The following FANCB variants were observed in gnomAD, a reference collection of about 807,000 sequenced individuals.
FANCB encodes FA complementation group B.
FANCB carries 5 observed loss-of-function variants against 38.9 expected under a neutral mutation model. The ratio of observed to expected loss-of-function variants is 0.13; its 90% CI spans 0.07 to 0.27. The LOEUF (loss-of-function observed/expected upper bound fraction) is 0.27. FANCB is among the 10% of genes least tolerant of loss of function. The pLI is 1.00. For synonymous variants in FANCB, 236 were observed against 215.4 expected, an observed-to-expected ratio of 1.10 and a Z score of -0.84; for missense variants, 573 against 602.7, an observed-to-expected ratio of 0.95 and a Z score of 0.52.
the FANCB span, among the ~76,000 whole-genome samples, chrX:14,827,860 A>T: frequency 9.0e-6 from 1 of 111,698 alleles, no homozygotes; most frequent in African/African-American, 3.3e-5. Flanking sequence ...ACATATAGCT[A>T]GGCCTTACTC....
the FANCB span, among the ~76,000 whole-genome samples, chrX:14,728,817 G>T: frequency 3.6e-5 from 4 of 112,423 alleles, no homozygotes; most frequent in African/African-American, 1.3e-4. Context: ...GTTCTGCCTT[G>T]CAGGTTCTGC....
the FANCB span, among the ~76,000 whole-genome samples, chrX:14,826,374 A>T: frequency 8.9e-6 from 1 of 112,094 alleles, no homozygotes; most frequent in African/African-American, 3.2e-5. Context: ...TTACTTTGGA[A>T]TAATTCTCCC....
chrX:14,784,646 C>G, the FANCB span, among the ~76,000 whole-genome samples: 24 of 112,271 alleles, frequency 2.1e-4, no homozygotes, highest in Middle Eastern at 4.6e-3. Context: ...CCATTTGACC[C>G]AGAAATCCCA....
At chrX:14,730,708 A>G in the FANCB span, 1 of 393,667 alleles carries the variant, frequency 2.5e-6, no homozygotes, top group Non-Finnish European at 4.4e-6. Flanking sequence ...CGGGAGCATA[A>G]TAATTCCCTT....
chrX:14,819,744 T>C, the FANCB span, among the ~76,000 whole-genome samples: 7 of 112,141 alleles, frequency 6.2e-5, no homozygotes, highest in African/African-American at 2.3e-4. Context: ...GAATAGGCAA[T>C]CTATTACACA....
the FANCB span, among the ~76,000 whole-genome samples, chrX:14,799,591 T>C: frequency 8.9e-6 from 1 of 111,778 alleles, no homozygotes; most frequent in Admixed American, 9.5e-5. Flanking sequence ...AAGAGCTTGA[T>C]AGAAAAAGCC....
chrX:14,865,397 T>C lies in FANCB; in HGVS notation c.114A>G (p.Thr38=). 1 of 1,207,273 alleles carries C rather than the reference T, an allele frequency of 8.3e-7. No homozygotes were observed. The highest frequency in any genetic ancestry group is 1.1e-6 in the Non-Finnish European group (1 of 891,774). ...SKGNFADKEP[T]KTPILHVRRM... The stretch of plus-strand genomic sequence containing the variant: ...TTCTGACATGTAATATGGGTGTTTT[T>C]GTAGGCTCTTTATCTGCAAAATTTC... The change falls in exon 3 of 10, where the codon ACA becomes ACG. Residue 38 remains threonine, a synonymous_variant. Coordinates refer to ENST00000650831, the MANE Select transcript of FANCB (RefSeq NM_001018113.3).
chrX:14,846,704 C>A (rs1013089063), intron 7 of FANCB, among the ~76,000 whole-genome samples: 1 of 110,269 alleles, frequency 9.1e-6, no homozygotes, highest in Non-Finnish European at 1.9e-5. Flanking sequence ...ATCTAACCAT[C>A]AATTTAGAGG....
At chrX:14,778,357 G>A in the FANCB span, among the ~76,000 whole-genome samples, 11 of 111,909 alleles carry the variant, frequency 9.8e-5, no homozygotes, top group African/African-American at 3.6e-4. Context: ...ATCCTGCAGT[G>A]CACAGGACAG....
chrX:14,797,673 T>G, the FANCB span, among the ~76,000 whole-genome samples: 1 of 95,201 alleles, frequency 1.1e-5, no homozygotes, highest in African/African-American at 4.5e-5. Context: ...CAGAGTGAGA[T>G]TCCATTAAAA....
At chrX:14,846,880 G>A (rs1158276412) in intron 7 of FANCB, among the ~76,000 whole-genome samples, 3 of 107,871 alleles carry the variant, frequency 2.8e-5, no homozygotes, top group African/African-American at 1.0e-4. Context: ...AAAGGACTTA[G>A]AGATAACAGT....
chrX:14,755,144 T>G, the FANCB span, among the ~76,000 whole-genome samples: 1 of 111,859 alleles, frequency 8.9e-6, no homozygotes, highest in African/African-American at 3.2e-5. Flanking sequence ...ATACAAGGAA[T>G]GTACCTCAAC....
chrX:14,747,444 A>C, the FANCB span, among the ~76,000 whole-genome samples: 1 of 112,512 alleles, frequency 8.9e-6, no homozygotes, highest in Admixed American at 9.4e-5. Flanking sequence ...GTTTTTAAAA[A>C]CTAAACTTTA....
At chrX:14,778,296 G>A in the FANCB span, among the ~76,000 whole-genome samples, 5 of 111,418 alleles carry the variant, frequency 4.5e-5, no homozygotes, top group Non-Finnish European at 9.4e-5. Flanking sequence ...TTCTTAACTT[G>A]AGAAAGTGCT....
the FANCB span, among the ~76,000 whole-genome samples, chrX:14,784,713 G>A: frequency 8.9e-6 from 1 of 111,998 alleles, no homozygotes; most frequent in Non-Finnish European, 1.9e-5. Flanking sequence ...ACACATGCAC[G>A]CATATGTTCA....
At chrX:14,797,691 A>AAGAG in the FANCB span, among the ~76,000 whole-genome samples, 1,250 of 103,293 alleles carry the variant, frequency 0.012, 28 homozygotes, top group African/African-American at 0.044. Flanking sequence ...AAAAAAAAAA[A>AAGAG]AGAGAGAGAG....
At chrX:14,766,160 C>A in the FANCB span, among the ~76,000 whole-genome samples, 1 of 112,076 alleles carries the variant, frequency 8.9e-6, no homozygotes, top group African/African-American at 3.2e-5. Flanking sequence ...GAGGTATAAA[C>A]ACACTATTTG....
At chrX:14,788,222 A>G in the FANCB span, among the ~76,000 whole-genome samples, 2 of 109,977 alleles carry the variant, frequency 1.8e-5, no homozygotes, top group Non-Finnish European at 3.8e-5. Context: ...CAGAGAATTG[A>G]ACTGTTTGTT....
At chrX:14,852,435 G>A (rs916905339) in intron 6 of FANCB, among the ~76,000 whole-genome samples, 9 of 110,946 alleles carry the variant, frequency 8.1e-5, no homozygotes. Context: ...CCAAAGTGCT[G>A]GGATTACAGG....
Sources: allele counts gnomAD v4.1 joint callset (sites outside exome capture counted in the v4.1 genomes callset), GRCh38; gene constraint gnomAD v4.1.1; transcripts MANE v1.5; gene names NCBI Gene and HGNC (gene_info 2026-07-23, HGNC 2026-07-21).